ATXN10: variants seen among roughly 807,000 people sequenced by gnomAD.
The protein encoded by ATXN10 is ataxin 10.
Under a neutral mutation model 52.9 loss-of-function variants are expected in ATXN10, and 28 were observed. The ratio of observed to expected loss-of-function variants is 0.53; its 90% CI spans 0.39 to 0.73. The LOEUF is 0.73. ATXN10 is among the 30% of genes least tolerant of loss of function. The probability of loss-of-function intolerance (pLI) is 0.00; values close to 1 mark genes in which losing one functional copy is unlikely to be tolerated. For missense variants in ATXN10, 565 were observed against 577.0 expected (o/e 0.98, Z 0.21); for synonymous variants, 226 against 221.5 (o/e 1.02, Z -0.18).
In ATXN10 at chr22:45,826,335, G is replaced by A. The variant is rs180991680; in HGVS notation, c.1238-16656G>A. Among the ~76,000 whole-genome samples the A allele has an allele frequency of 1.5e-3, 229 of 152,206 alleles. 2 individuals are homozygous for A. The highest frequency in any genetic ancestry group is 5.7e-4 in the Non-Finnish European group (39 of 68,020). On this transcript the variant is annotated intron_variant, in intron 10 of 11. Transcript: ENST00000252934. This position sits in a 1 kb window ranked among gnomAD's most constrained non-coding sequence, Gnocchi z 5.0. ...AACACCATCAAGCCAACCAACATACGCATTGTGGGAAACAAGGAAAAAGAG... is the reference window on the plus strand; with the variant it reads ...AACACCATCAAGCCAACCAACATACACATTGTGGGAAACAAGGAAAAAGAG...
At chr22:45,703,594 A>G (rs1212640779) in intron 5 of ATXN10, among the ~76,000 whole-genome samples, 1 of 152,202 alleles carries the variant, frequency 6.6e-6, no homozygotes, top group Non-Finnish European at 1.5e-5. Flanking sequence ...TGGGACTGTG[A>G]AAATAATACA....
Position 45,702,699 on chromosome 22 carries a change from A to G in ATXN10, c.499A>G (p.Asn167Asp), listed in dbSNP as rs774244095. 5.0e-6 allele frequency: 8 copies of G among 1,613,942 alleles called. No homozygotes were observed. The highest frequency in any genetic ancestry group is 4.2e-6 in the Non-Finnish European group (5 of 1,179,910). The change falls in exon 5 of 12, where the codon AAT (asparagine) becomes GAT (aspartate). Residue 167 changes from asparagine (N) to aspartate (D), a missense_variant. Coordinates refer to ENST00000252934, the MANE Select transcript of ATXN10 (RefSeq NM_013236.4). The part of the protein sequence containing the change: ...AFPELFLSCL[N>D]HPDKKIVAYS... ...TTCCTTGTTTGGAAGGTCTTGCTTA[A>G]ATCATCCGGACAAAAAAATTGTTGC...
rs1569077759 is a variant in ATXN10, at chr22:45,820,049, T to G, written c.1237+13027T>G. On this transcript the variant is annotated intron_variant, in intron 10 of 11. Coordinates refer to ENST00000252934, the MANE Select transcript of ATXN10 (RefSeq NM_013236.4). This position sits in a 1 kb window ranked among gnomAD's most constrained non-coding sequence, Gnocchi z 4.9. ...CCATTCAGCACTGTTGGACTGTAAC[T>G]CCTGGGCTGTTTTATTTTGAGATGA... Among the ~76,000 whole-genome samples the G allele has an allele frequency of 6.6e-6, 1 of 152,222 alleles. No individual in the cohort carries two copies. Among genetic ancestry groups the G allele is most frequent in the African/African-American group, 2.4e-5 (1 of 41,452 alleles).
chr22:45,807,252 G>A (rs372882249), intron 10 of ATXN10: 18 of 622,308 alleles, frequency 2.9e-5, no homozygotes, highest in African/African-American at 2.6e-4. Context: ...TTCCAAATGA[G>A]CATGTGGCCA....
rs1488884867 is a variant in ATXN10 at position 45,825,355 on chromosome 22, G to A, written c.1238-17636G>A. On this transcript the variant is annotated intron_variant, in intron 10 of 11. Coordinates refer to ENST00000252934, the MANE Select transcript of ATXN10 (RefSeq NM_013236.4). This position sits in a 1 kb window ranked among gnomAD's most constrained non-coding sequence, Gnocchi z 4.5. ...TTCTTTTGCATCTTTTGGGAACCAGGCATTAAATACTAGGACATTGAAAAA... is the reference window on the plus strand; with the variant it reads ...TTCTTTTGCATCTTTTGGGAACCAGACATTAAATACTAGGACATTGAAAAA... Among the ~76,000 whole-genome samples the A allele has an allele frequency of 6.6e-6, 1 of 152,052 alleles. No homozygotes were observed. Among genetic ancestry groups the A allele is most frequent in the African/African-American group, 2.4e-5 (1 of 41,372 alleles).
chr22:45,828,822 T>C lies in ATXN10; in HGVS notation c.1238-14169T>C, dbSNP rs771122474. On this transcript the variant is annotated intron_variant, in intron 10 of 11. Coordinates refer to ENST00000252934, the MANE Select transcript of ATXN10 (RefSeq NM_013236.4). This position sits in a 1 kb window ranked among gnomAD's most constrained non-coding sequence, Gnocchi z 4.5. ...ACCTGATGCCTTCACTGGTGAATTC[T>C]AGCAAACATTTCAAGGGGAACTAAT... Among the ~76,000 whole-genome samples the C allele has an allele frequency of 1.4e-4, 22 of 152,218 alleles. No individual in the cohort carries two copies. The highest frequency in any genetic ancestry group is 2.5e-4 in the Non-Finnish European group (17 of 68,042).
At chr22:45,680,050 CTG>C (rs1922857533) in intron 1 of ATXN10, 1 of 152,194 alleles carries the variant, frequency 6.6e-6, no homozygotes, top group African/African-American at 2.4e-5. Flanking sequence ...GGTCACTGGA[CTG>C]TGGGCAATGA....
At chr22:45,822,900 G>C (rs369890913) in intron 10 of ATXN10, among the ~76,000 whole-genome samples, 20 of 152,106 alleles carry the variant, frequency 1.3e-4, no homozygotes, top group East Asian at 5.8e-4. Flanking sequence ...AGTTTGTTCA[G>C]ATTTTTTGCC....
intron 9 of ATXN10, among the ~76,000 whole-genome samples, chr22:45,760,901 C>T (rs1926365352): frequency 6.6e-6 from 1 of 152,112 alleles, no homozygotes; most frequent in African/African-American, 2.4e-5. Flanking sequence ...ATTCCTGAGC[C>T]AGTTAAAAGG....
chr22:45,674,425 G>C (rs1922600855), intron 1 of ATXN10: 1 of 152,252 alleles, frequency 6.6e-6, no homozygotes, highest in African/African-American at 2.4e-5. Flanking sequence ...TCATGATCAG[G>C]GTTTATAAGG....
intron 9 of ATXN10, 112 bp from the exon 10 acceptor site, chr22:45,806,847 G>A: frequency 1.2e-6 from 1 of 828,210 alleles, no homozygotes; most frequent in Admixed American, 1.9e-5. Context: ...AGATAATAGT[G>A]CAAACAATAT....
intron 5 of ATXN10, among the ~76,000 whole-genome samples, chr22:45,717,892 T>G (rs1924505804): frequency 6.6e-6 from 1 of 152,182 alleles, no homozygotes; most frequent in African/African-American, 2.4e-5. Context: ...AATCTTTGCC[T>G]TGGGGTTTCC....
chr22:45,714,536 G>A (rs921368503), intron 5 of ATXN10, among the ~76,000 whole-genome samples: 1 of 151,468 alleles, frequency 6.6e-6, no homozygotes, highest in Non-Finnish European at 1.5e-5. Context: ...GCATACCACC[G>A]CACCTGGCTG....
At chr22:45,709,317 A>C (rs1464950963) in intron 5 of ATXN10, among the ~76,000 whole-genome samples, 1 of 152,204 alleles carries the variant, frequency 6.6e-6, no homozygotes. Context: ...CTGGCATGTG[A>C]TAAGCATTAT....
chr22:45,707,735 A>G (rs1924097184), intron 5 of ATXN10, among the ~76,000 whole-genome samples: 1 of 151,926 alleles, frequency 6.6e-6, no homozygotes, highest in Non-Finnish European at 1.5e-5. Flanking sequence ...CAAAGGATGG[A>G]TCTAGTAGTG....
intron 9 of ATXN10, among the ~76,000 whole-genome samples, chr22:45,778,258 T>G (rs1927029145): frequency 6.6e-6 from 1 of 152,200 alleles, no homozygotes; most frequent in Admixed American, 6.5e-5. Context: ...CCTATTAATG[T>G]CATTTATCCA....
In ATXN10 at chr22:45,757,658, T is replaced by A. The variant is rs911354666; in HGVS notation, c.1173+17120T>A. 6.6e-6 allele frequency among the ~76,000 whole-genome samples: 1 copy of A among 151,972 alleles called. No individual in the cohort carries two copies. The highest frequency in any genetic ancestry group is 1.9e-4 in the East Asian group (1 of 5,200). ...ATTAGTAAATATGGATGGGATAAAA[T>A]TTTTTTTACATACACATAGGATTCA... On this transcript the variant is annotated intron_variant, in intron 9 of 11. Coordinates refer to ENST00000252934, the MANE Select transcript of ATXN10 (RefSeq NM_013236.4). The surrounding 1 kb of genome is among the most constrained non-coding windows in gnomAD (Gnocchi z 4.6).
At chr22:45,679,919 A>G (rs974353929) in intron 1 of ATXN10, 1 of 152,254 alleles carries the variant, frequency 6.6e-6, no homozygotes, top group Non-Finnish European at 1.5e-5. Context: ...GCCAGCCGAA[A>G]TAAATAAAAC....
At chr22:45,758,599 GCT>G (rs1926261095) in intron 9 of ATXN10, among the ~76,000 whole-genome samples, 1 of 152,216 alleles carries the variant, frequency 6.6e-6, no homozygotes, top group South Asian at 2.1e-4. Context: ...AATGTTTCAT[GCT>G]CTGACAGCTA....
Sources: gnomAD v4.1 joint callset for allele counts (sites outside exome capture counted in the v4.1 genomes callset) on GRCh38, gnomAD v4.1.1 for gene constraint, Gnocchi (gnomAD v3.1) non-coding constraint, MANE v1.5 for transcripts, NCBI Gene and HGNC (gene_info 2026-07-23, HGNC 2026-07-21) for gene names.